The following LRCH1 variants were observed in gnomAD, a reference collection of about 807,000 sequenced individuals.
The protein encoded by LRCH1 is leucine rich repeats and calponin homology domain containing 1.
A neutral mutation model predicts 94.9 loss-of-function variants in LRCH1; 23 were observed. The observed-to-expected ratio is 0.24, with a 90% CI of 0.17 to 0.34. The LOEUF (loss-of-function observed/expected upper bound fraction) is 0.34. LRCH1 is among the 10% of genes least tolerant of loss of function. The probability of loss-of-function intolerance (pLI) is 1.00; values close to 1 mark genes in which losing one functional copy is unlikely to be tolerated. For synonymous variants in LRCH1, 364 were observed against 354.9 expected, an observed-to-expected ratio of 1.03 and a Z score of -0.29; for missense variants, 790 against 945.9, an observed-to-expected ratio of 0.84 and a Z score of 2.16.
chr13:46,565,343 G>C (rs1203008294), intron 1 of LRCH1, among the ~76,000 whole-genome samples: 1 of 152,142 alleles, frequency 6.6e-6, no homozygotes, highest in East Asian at 1.9e-4. Context: ...AGTCTTGGGA[G>C]GATGGTAGCA....
chr13:46,663,491 G>A (rs187675666), intron 2 of LRCH1, among the ~76,000 whole-genome samples: 19 of 152,242 alleles, frequency 1.2e-4, no homozygotes, highest in Admixed American at 7.2e-4. Flanking sequence ...GAACAAGCAG[G>A]AAAAAGGAAA....
At chr13:46,648,995 C>T (rs1254076336) in intron 1 of LRCH1, among the ~76,000 whole-genome samples, 1 of 152,038 alleles carries the variant, frequency 6.6e-6, no homozygotes. Context: ...TAAAAAAGGA[C>T]GATTTTATGT....
chr13:46,632,761 T>C (rs1267278042), intron 1 of LRCH1, among the ~76,000 whole-genome samples: 1 of 152,210 alleles, frequency 6.6e-6, no homozygotes, highest in African/African-American at 2.4e-5. Flanking sequence ...AATTGTGTGA[T>C]CAAAATGAGA....
At chr13:46,749,519 A>G (rs959125949), downstream of LRCH1, among the ~76,000 whole-genome samples, 3 of 152,230 alleles carry the variant, frequency 2.0e-5, no homozygotes, top group Non-Finnish European at 4.4e-5. Flanking sequence ...AGTATCTGAG[A>G]TAATGGATAT....
Position 46,616,716 on chromosome 13 carries a change from C to T in LRCH1, c.308-33485C>T, listed in dbSNP as rs561844042. Among the ~76,000 whole-genome samples the T allele has an allele frequency of 1.2e-4, 19 of 152,306 alleles. No individual in the cohort carries two copies. The East Asian group carries it at 3.5e-3, about 28-fold the overall frequency. On this transcript the variant is annotated intron_variant, in intron 1 of 19. Transcript: ENST00000389797. ...GACGGCACCAAATTTCATGCGCGTT[C>T]GTGTGAAGAGACCACCAAACAGGCT...
At chr13:46,636,317 C>T (rs2051089058) in intron 1 of LRCH1, among the ~76,000 whole-genome samples, 2 of 152,090 alleles carry the variant, frequency 1.3e-5, no homozygotes, top group Non-Finnish European at 2.9e-5. Context: ...AGTGATCCAC[C>T]TGCCTTGGTC....
In LRCH1 at chr13:46,639,693, G is replaced by GAC. The variant is rs2051135929; in HGVS notation, c.308-10501_308-10500dup. 2.6e-5 allele frequency among the ~76,000 whole-genome samples: 4 copies of GAC among 152,094 alleles called. No individual in the cohort carries two copies. The South Asian group carries it at 8.3e-4, about 32-fold the overall frequency. Reference sequence around the variant, plus strand: ...GCCTGCTCGGCCAGGAAGATGGTCCGACACACACCCCTGTTCACTGCCCAG... The same window carrying GAC: ...GCCTGCTCGGCCAGGAAGATGGTCCGACACACACACCCCTGTTCACTGCCCAG... On this transcript the variant is annotated intron_variant, in intron 1 of 19. Coordinates refer to ENST00000389797, the MANE Select transcript of LRCH1 (RefSeq NM_001164211.2).
chr13:46,727,733 T>C (rs1396413032), intron 17 of LRCH1, among the ~76,000 whole-genome samples: 2 of 152,164 alleles, frequency 1.3e-5, no homozygotes, highest in Non-Finnish European at 2.9e-5. Flanking sequence ...CTGGTTGTTT[T>C]GAAAGTTGTT....
chr13:46,553,835 C>T, intron 1 of LRCH1, 132 bp downstream of exon 1: 2 of 1,497,262 alleles, frequency 1.3e-6, no homozygotes, highest in South Asian at 1.2e-5. Context: ...CGTTGTCTCC[C>T]GAAGAAGGGA....
intron 3 of LRCH1, among the ~76,000 whole-genome samples, chr13:46,677,832 T>C (rs997783881): frequency 2.8e-4 from 42 of 152,222 alleles, no homozygotes; most frequent in Admixed American, 3.3e-4. Context: ...TATAATTAGA[T>C]TCGTTTCTAT....
At chr13:46,587,807 T>C (rs1272271270) in intron 1 of LRCH1, among the ~76,000 whole-genome samples, 1 of 152,196 alleles carries the variant, frequency 6.6e-6, no homozygotes, top group Non-Finnish European at 1.5e-5. Flanking sequence ...AATCTTAGCA[T>C]GGGTTAGAGG....
In LRCH1 at chr13:46,553,242, C is replaced by CCAA; in HGVS notation, c.-155_-154insCAA. ...CACGGCCGCCTCCCCGCCCGCCCCC[C>CCAA]ATTCTACGCGCCTGCCCACACCCTC... On this transcript the variant is annotated 5_prime_UTR_variant, in exon 1 of 20. Coordinates refer to ENST00000389797, the MANE Select transcript of LRCH1 (RefSeq NM_001164211.2). 6.7e-5 allele frequency: 38 copies of CCAA among 568,490 alleles called. No individual in the cohort carries two copies. Among genetic ancestry groups the CCAA allele is most frequent in the East Asian group, 1.3e-4 (4 of 30,412 alleles). 35.2% of individuals were successfully genotyped at this position (568,490 alleles called of 1,614,324 possible). A position where few individuals can be genotyped will look rare whatever the true frequency, so the allele number is the denominator to read the frequency against.
intron 1 of LRCH1, among the ~76,000 whole-genome samples, chr13:46,573,549 A>G (rs1426594912): frequency 2.6e-5 from 4 of 152,156 alleles, no homozygotes; most frequent in African/African-American, 9.7e-5. Flanking sequence ...ATTCAGCCAT[A>G]AAAAGAATGA....
chr13:46,684,790 T>C (rs1283774618), intron 4 of LRCH1, among the ~76,000 whole-genome samples: 1 of 152,180 alleles, frequency 6.6e-6, no homozygotes, highest in African/African-American at 2.4e-5. Flanking sequence ...AGCAATGAAC[T>C]AACTACTCAG....
In LRCH1 at chr13:46,583,917, C is replaced by T. The variant is rs367950797; in HGVS notation, c.307+30214C>T. On this transcript the variant is annotated intron_variant, in intron 1 of 19. Coordinates refer to ENST00000389797, the MANE Select transcript of LRCH1 (RefSeq NM_001164211.2). ...CTGGGATTACAGGCGTGAGCCACTG[C>T]GCCCAGCCAAGGAATTTTGCTTTCT... Among the ~76,000 whole-genome samples, 70 of 152,082 alleles carry T rather than the reference C, an allele frequency of 4.6e-4. 1 individual carries two copies. The highest frequency in any genetic ancestry group is 1.6e-3 in the African/African-American group (66 of 41,494).
intron 10 of LRCH1, among the ~76,000 whole-genome samples, chr13:46,700,698 A>G (rs2138179345): frequency 6.6e-6 from 1 of 152,344 alleles, no homozygotes; most frequent in South Asian, 2.1e-4. Context: ...TCCCACACTG[A>G]AACCCTATAT....
At chr13:46,679,994 A>T (rs2051730105) in intron 3 of LRCH1, 1 of 152,242 alleles carries the variant, frequency 6.6e-6, no homozygotes, top group Non-Finnish European at 1.5e-5. Context: ...TTGGTCGATG[A>T]TGAGTTCATC....
At chr13:46,651,633 C>T (rs1236454626) in intron 2 of LRCH1, among the ~76,000 whole-genome samples, 1 of 150,626 alleles carries the variant, frequency 6.6e-6, no homozygotes, top group Non-Finnish European at 1.5e-5. Flanking sequence ...TGCACTCCGG[C>T]CTGGGTAACA....
At chr13:46,615,119 C>T (rs1349915669) in intron 1 of LRCH1, among the ~76,000 whole-genome samples, 1 of 152,134 alleles carries the variant, frequency 6.6e-6, no homozygotes, top group Non-Finnish European at 1.5e-5. Context: ...TGGTGTGTTA[C>T]TCTGTTCTGT....
Sources: gnomAD v4.1 joint callset for allele counts (sites outside exome capture counted in the v4.1 genomes callset) on GRCh38, gnomAD v4.1.1 for gene constraint, MANE v1.5 for transcripts, NCBI Gene and HGNC (gene_info 2026-07-23, HGNC 2026-07-21) for gene names.